Variants in MAN1A2 observed in about 807,000 individuals in gnomAD.
MAN1A2 encodes mannosidase alpha class 1A member 2.
MAN1A2 carries 26 observed loss-of-function variants against 75.7 expected under a neutral mutation model. The ratio of observed to expected loss-of-function variants is 0.34; its 90% CI spans 0.25 to 0.48. MAN1A2 has a LOEUF of 0.48. MAN1A2 is among the 20% of genes least tolerant of loss of function. MAN1A2 has a pLI of 0.99. For synonymous variants in MAN1A2, 247 were observed against 264.6 expected, an observed-to-expected ratio of 0.93 and a Z score of 0.65; for missense variants, 562 against 775.5, an observed-to-expected ratio of 0.72 and a Z score of 3.27.
rs547983204 is a variant in MAN1A2 at position 117,461,727 on chromosome 1, G to T, written c.1074+1115G>T. On this transcript the variant is annotated intron_variant, in intron 7 of 12. Coordinates refer to ENST00000356554, the MANE Select transcript of MAN1A2 (RefSeq NM_006699.5). ...AAACTTTATTAAATGATATTGAAGA[G>T]GATATAAATAAATGGAGAGATATCG... Among the ~76,000 whole-genome samples, 233 of 151,878 alleles carry T rather than the reference G, an allele frequency of 1.5e-3. 4 individuals carry two copies. Among genetic ancestry groups the T allele is most frequent in the Middle Eastern group, 0.01 (3 of 294 alleles).
chr1:117,458,506 T>G (rs183868678), intron 6 of MAN1A2, among the ~76,000 whole-genome samples: 2,576 of 100,822 alleles, frequency 0.026, 66 homozygotes, highest in Middle Eastern at 0.11. Context: ...TCTATATATA[T>G]ATATAGATAT....
At chr1:117,493,405 G>C in intron 9 of MAN1A2, 143 bp downstream of exon 9, 3 of 501,558 alleles carry the variant, frequency 6.0e-6, no homozygotes, top group Non-Finnish European at 7.0e-6. Flanking sequence ...ATTCACTGTA[G>C]AGTTTGTTAC....
At chr1:117,460,380 C>A in intron 6 of MAN1A2, 109 bp from the exon 7 acceptor site, 1 of 638,066 alleles carries the variant, frequency 1.6e-6, no homozygotes, top group South Asian at 2.9e-5. Context: ...GCTATCGTGT[C>A]AGATATAATA....
intron 8 of MAN1A2, among the ~76,000 whole-genome samples, chr1:117,477,923 A>G (rs1650374068): frequency 2.6e-5 from 4 of 152,240 alleles, no homozygotes; most frequent in African/African-American, 9.6e-5. Context: ...CTGATAAGCA[A>G]CTTCAGCAAA....
intron 5 of MAN1A2, among the ~76,000 whole-genome samples, chr1:117,438,785 C>G (rs921812371): frequency 6.6e-6 from 1 of 152,136 alleles, no homozygotes; most frequent in Non-Finnish European, 1.5e-5. Flanking sequence ...TACCATATAA[C>G]CTAGATGTGT....
intron 1 of MAN1A2, among the ~76,000 whole-genome samples, chr1:117,386,924 A>G (rs1653546637): frequency 6.6e-6 from 1 of 152,120 alleles, no homozygotes; most frequent in African/African-American, 2.4e-5. Flanking sequence ...AAAGAAAACA[A>G]ACAAACAAAA....
At chr1:117,517,125 A>G (rs997038313) in intron 12 of MAN1A2, among the ~76,000 whole-genome samples, 4 of 152,080 alleles carry the variant, frequency 2.6e-5, no homozygotes, top group African/African-American at 9.7e-5. Context: ...GCTGCTTTGG[A>G]CCTATGTAGC....
At position 117,521,601 on chromosome 1, in the gene MAN1A2, A is replaced by G. The variant is rs189959063; in HGVS notation, c.1794-1224A>G. On this transcript the variant is annotated intron_variant, in intron 12 of 12. Transcript: ENST00000356554. Reference sequence around the variant, plus strand: ...GGGAACGTAAACTTACACAACCACTATGGAAAACAGTGTGGAGATTCCTTA... The same window carrying G: ...GGGAACGTAAACTTACACAACCACTGTGGAAAACAGTGTGGAGATTCCTTA... Among the ~76,000 whole-genome samples, 288 of 152,120 alleles carry G rather than the reference A, an allele frequency of 1.9e-3. 1 individual carries two copies. The highest frequency in any genetic ancestry group is 5.7e-3 in the Admixed American group (87 of 15,238).
intron 1 of MAN1A2, among the ~76,000 whole-genome samples, chr1:117,382,682 T>C (rs1020315746): frequency 2.0e-5 from 3 of 152,126 alleles, no homozygotes; most frequent in Non-Finnish European, 4.4e-5. Flanking sequence ...TTTGGTTCCA[T>C]ATGAACTTTA....
In MAN1A2 at chr1:117,404,296, G is replaced by A. The variant is rs187876426; in HGVS notation, c.559-1253G>A. 5.9e-5 allele frequency among the ~76,000 whole-genome samples: 9 copies of A among 152,242 alleles called. No individual in the cohort carries two copies. The East Asian group carries it at 1.7e-3, about 29-fold the overall frequency. On this transcript the variant is annotated intron_variant, in intron 2 of 12. Coordinates refer to ENST00000356554, the MANE Select transcript of MAN1A2 (RefSeq NM_006699.5). ...TTGGGAAATGTTTAATGAATAGTAT[G>A]CTGTTAAATGAATAGATTTTTGGTC...
At chr1:117,401,354 A>G (rs1647421052) in intron 1 of MAN1A2, among the ~76,000 whole-genome samples, 3 of 152,144 alleles carry the variant, frequency 2.0e-5, no homozygotes, top group Non-Finnish European at 4.4e-5. Flanking sequence ...AAATTTCTGG[A>G]GAGATGACCT....
chr1:117,505,846 A>G (rs867483897), intron 12 of MAN1A2, among the ~76,000 whole-genome samples: 1 of 151,414 alleles, frequency 6.6e-6, no homozygotes, highest in Non-Finnish European at 1.5e-5. Context: ...AGTGAACCAT[A>G]TGAAATTACC....
chr1:117,502,079 G>A (rs1322212224), intron 11 of MAN1A2, among the ~76,000 whole-genome samples: 1 of 151,674 alleles, frequency 6.6e-6, no homozygotes, highest in Non-Finnish European at 1.5e-5. Context: ...AAAAGAGTAA[G>A]AATTTTAACT....
chr1:117,439,955 A>G (rs1048417001), intron 5 of MAN1A2, among the ~76,000 whole-genome samples: 2 of 152,226 alleles, frequency 1.3e-5, no homozygotes, highest in African/African-American at 2.4e-5. Context: ...GATTGAGACA[A>G]CAAATTCACT....
At chr1:117,430,642 T>C (rs1648603343) in intron 5 of MAN1A2, among the ~76,000 whole-genome samples, 2 of 67,304 alleles carry the variant, frequency 3.0e-5, no homozygotes, top group East Asian at 7.9e-4. Flanking sequence ...CCTCACTTCC[T>C]AGATGTGATG....
At chr1:117,482,852 C>A (rs975323933) in intron 8 of MAN1A2, among the ~76,000 whole-genome samples, 8 of 152,022 alleles carry the variant, frequency 5.3e-5, no homozygotes, top group Admixed American at 4.6e-4. Context: ...AGGTTTTCTT[C>A]TAGGGTTTTT....
chr1:117,416,769 T>G (rs1648006406), intron 4 of MAN1A2, among the ~76,000 whole-genome samples: 1 of 152,142 alleles, frequency 6.6e-6, no homozygotes, highest in Non-Finnish European at 1.5e-5. Context: ...TAGCTTGGGC[T>G]CTATGGAACT....
chr1:117,476,063 G>T (rs529030697), intron 8 of MAN1A2, among the ~76,000 whole-genome samples: 31 of 152,216 alleles, frequency 2.0e-4, no homozygotes, highest in Middle Eastern at 3.4e-3. Flanking sequence ...CTTTCTAACT[G>T]GTGTGAGATG....
At chr1:117,509,762 A>G (rs945533325) in intron 12 of MAN1A2, among the ~76,000 whole-genome samples, 1 of 151,872 alleles carries the variant, frequency 6.6e-6, no homozygotes, top group African/African-American at 2.4e-5. Flanking sequence ...GAATTATAAA[A>G]ATAGCATGTG....
Sources: gnomAD v4.1 joint callset for allele counts (sites outside exome capture counted in the v4.1 genomes callset) on GRCh38, gnomAD v4.1.1 for gene constraint, MANE v1.5 for transcripts, NCBI Gene and HGNC (gene_info 2026-07-23, HGNC 2026-07-21) for gene names.